Variants in KHDRBS3 observed in about 807,000 individuals in gnomAD.
KHDRBS3 encodes KH RNA binding domain containing, signal transduction associated 3.
A neutral mutation model predicts 45.6 loss-of-function variants in KHDRBS3; 23 were observed. The observed-to-expected ratio is 0.50, with a 90% CI of 0.36 to 0.72. The LOEUF (loss-of-function observed/expected upper bound fraction) is 0.72, where lower values mean the gene tolerates loss of function less well. KHDRBS3 is among the 30% of genes least tolerant of loss of function. KHDRBS3 has a pLI of 0.00. For missense variants in KHDRBS3, 352 were observed against 424.8 expected (o/e 0.83, Z 1.51); for synonymous variants, 162 against 156.5 (o/e 1.04, Z -0.26).
At chr8:135,524,541 G>C (rs939266306) in intron 2 of KHDRBS3, among the ~76,000 whole-genome samples, 1 of 152,156 alleles carries the variant, frequency 6.6e-6, no homozygotes, top group Middle Eastern at 3.4e-3. Flanking sequence ...GACATCTTTC[G>C]TGAAAATTTG....
intron 2 of KHDRBS3, chr8:135,540,490 G>A (rs541892431): frequency 6.6e-6 from 1 of 152,374 alleles, no homozygotes; most frequent in East Asian, 1.9e-4. Flanking sequence ...CCACACTCTA[G>A]CAAAAGACCA....
chr8:135,559,656 C>T (rs542910463), intron 5 of KHDRBS3, among the ~76,000 whole-genome samples: 4 of 152,126 alleles, frequency 2.6e-5, no homozygotes, highest in East Asian at 1.9e-4. Context: ...CCACCATGCC[C>T]GGCCAACAAA....
intron 1 of KHDRBS3, among the ~76,000 whole-genome samples, chr8:135,468,467 C>T (rs936472487): frequency 5.9e-5 from 9 of 152,190 alleles, no homozygotes; most frequent in Admixed American, 2.6e-4. Context: ...CGAAACTCTA[C>T]GCCTAGGGAC....
At chr8:135,547,967 C>T (rs888606653) in intron 3 of KHDRBS3, among the ~76,000 whole-genome samples, 8 of 152,064 alleles carry the variant, frequency 5.3e-5, no homozygotes, top group African/African-American at 1.9e-4. Context: ...CCTGCATTTC[C>T]TTATGGAAAC....
At chr8:135,469,835 C>A (rs1821923381) in intron 1 of KHDRBS3, among the ~76,000 whole-genome samples, 1 of 152,162 alleles carries the variant, frequency 6.6e-6, no homozygotes, top group African/African-American at 2.4e-5. Flanking sequence ...CCAGGACCAC[C>A]TATTGTTAAT....
chr8:135,512,764 A>C (rs1045331804), intron 1 of KHDRBS3, among the ~76,000 whole-genome samples: 1 of 152,224 alleles, frequency 6.6e-6, no homozygotes, highest in African/African-American at 2.4e-5. Context: ...TTAACCTTCC[A>C]TGAGCTTACC....
intron 7 of KHDRBS3, among the ~76,000 whole-genome samples, chr8:135,617,230 CTTTTATTTTATTTTATTTTATTTTA>C (rs201401672): frequency 0.023 from 3,087 of 132,732 alleles, 58 homozygotes; most frequent in African/African-American, 0.051. Flanking sequence ...TTTTTAGCTA[CTTTTATTTTATTTTATTTTATTTTA>C]TTTTATTTTA....
intron 1 of KHDRBS3, among the ~76,000 whole-genome samples, chr8:135,462,218 G>A (rs936364258): frequency 4.1e-5 from 6 of 144,848 alleles, no homozygotes; most frequent in African/African-American, 1.6e-4. Flanking sequence ...GTTTTTTATT[G>A]TTTTTCTTTG....
chr8:135,537,989 G>A (rs1825859736), intron 2 of KHDRBS3, among the ~76,000 whole-genome samples: 1 of 152,086 alleles, frequency 6.6e-6, no homozygotes. Context: ...GGGACTATTG[G>A]CAATAGGGAG....
At position 135,644,834 on chromosome 8, in the gene KHDRBS3, A is replaced by C. The variant is rs182259189; in HGVS notation, c.891-225A>C. On this transcript the variant is annotated intron_variant, in intron 7 of 8. Coordinates refer to ENST00000355849, the MANE Select transcript of KHDRBS3 (RefSeq NM_006558.3). ...GCCAATTGTTGTGGTTAAAATGTCGAAACATATTTATTATGTATTAAAATT... is the reference window on the plus strand; with the variant it reads ...GCCAATTGTTGTGGTTAAAATGTCGCAACATATTTATTATGTATTAAAATT... Among the ~76,000 whole-genome samples, 28 of 152,100 alleles carry C rather than the reference A, an allele frequency of 1.8e-4. 1 individual carries two copies. The East Asian group carries it at 5.1e-3, about 28-fold the overall frequency.
At chr8:135,633,377 T>C (rs1830684796) in intron 7 of KHDRBS3, among the ~76,000 whole-genome samples, 1 of 152,180 alleles carries the variant, frequency 6.6e-6, no homozygotes, top group East Asian at 1.9e-4. Flanking sequence ...CAGAGATAAT[T>C]AACAACAAGG....
intron 6 of KHDRBS3, among the ~76,000 whole-genome samples, chr8:135,590,961 G>A (rs537656918): frequency 6.6e-6 from 1 of 152,284 alleles, no homozygotes; most frequent in Non-Finnish European, 1.5e-5. Context: ...GTATGGTAGG[G>A]CATTTTAAAT....
chr8:135,503,776 C>G (rs1823855146), intron 1 of KHDRBS3, among the ~76,000 whole-genome samples: 1 of 152,122 alleles, frequency 6.6e-6, no homozygotes, highest in Non-Finnish European at 1.5e-5. Flanking sequence ...CGTCCATACC[C>G]TTGTCAATGG....
chr8:135,627,709 A>G (rs1830434787), intron 7 of KHDRBS3, among the ~76,000 whole-genome samples: 2 of 152,210 alleles, frequency 1.3e-5, no homozygotes, highest in Admixed American at 1.3e-4. Context: ...CCACATAACC[A>G]TGAGGAGAAC....
At chr8:135,605,105 A>G (rs1269952683) in intron 6 of KHDRBS3, among the ~76,000 whole-genome samples, 3 of 152,072 alleles carry the variant, frequency 2.0e-5, no homozygotes, top group Non-Finnish European at 4.4e-5. Flanking sequence ...AACCATGTCT[A>G]CATTTGAGTC....
intron 7 of KHDRBS3, among the ~76,000 whole-genome samples, chr8:135,633,984 C>G (rs1830709441): frequency 6.6e-6 from 1 of 152,208 alleles, no homozygotes; most frequent in South Asian, 2.1e-4. Context: ...GAGAGTATCA[C>G]CCAGAGTACT....
At chr8:135,610,500 A>G (rs1352504559) in intron 7 of KHDRBS3, among the ~76,000 whole-genome samples, 2 of 151,546 alleles carry the variant, frequency 1.3e-5, no homozygotes, top group South Asian at 2.1e-4. Context: ...ATTATGCTTG[A>G]TGCTTGGAAT....
chr8:135,464,920 T>C (rs775051002), intron 1 of KHDRBS3, among the ~76,000 whole-genome samples: 75 of 152,176 alleles, frequency 4.9e-4, no homozygotes, highest in Non-Finnish European at 1.0e-3. Context: ...GTGGAAGCTT[T>C]GAGTATGTCT....
intron 1 of KHDRBS3, among the ~76,000 whole-genome samples, chr8:135,481,846 C>T (rs1278953408): frequency 1.3e-5 from 2 of 152,108 alleles, no homozygotes; most frequent in Non-Finnish European, 2.9e-5. Flanking sequence ...CTGCTTGGGC[C>T]ATGGCTGTTT....
Sources: gnomAD v4.1 joint callset for allele counts (sites outside exome capture counted in the v4.1 genomes callset) on GRCh38, gnomAD v4.1.1 for gene constraint, MANE v1.5 for transcripts, NCBI Gene and HGNC (gene_info 2026-07-23, HGNC 2026-07-21) for gene names.